Variants in GABRG3 observed in about 807,000 individuals in gnomAD.
GABRG3 encodes the protein gamma-aminobutyric acid receptor subunit gamma-3.
GABRG3 carries 25 observed loss-of-function variants against 48.8 expected under a neutral mutation model. That is an observed-to-expected ratio of 0.51 (90% confidence interval 0.37 to 0.72). The LOEUF is 0.72. Among genes scored for constraint, GABRG3 ranks in the 30% least tolerant of loss-of-function variants. GABRG3 has a pLI of 0.00. For synonymous variants in GABRG3, 227 were observed against 217.6 expected (o/e 1.04, Z -0.38); for missense variants, 394 against 577.9 (o/e 0.68, Z 3.26).
intron 7 of GABRG3, among the ~76,000 whole-genome samples, chr15:27,522,499 A>T (rs573334515): frequency 9.9e-5 from 15 of 151,958 alleles, no homozygotes; most frequent in Non-Finnish European, 1.9e-4. Context: ...ATATTGCAAG[A>T]TGGGACTTAT....
chr15:27,047,301 C>T (rs1896381945), intron 3 of GABRG3, among the ~76,000 whole-genome samples: 1 of 152,152 alleles, frequency 6.6e-6, no homozygotes, highest in Admixed American at 6.5e-5. Context: ...GGAAACATGT[C>T]ACCCTCGCAG....
intron 3 of GABRG3, among the ~76,000 whole-genome samples, chr15:27,130,449 T>G (rs1200110246): frequency 6.6e-6 from 1 of 152,088 alleles, no homozygotes; most frequent in Admixed American, 6.6e-5. Flanking sequence ...TACTGTAACT[T>G]TGTAGTAAGT....
At chr15:27,468,181 G>A (rs1178092420) in intron 5 of GABRG3, among the ~76,000 whole-genome samples, 1 of 152,208 alleles carries the variant, frequency 6.6e-6, no homozygotes, top group Non-Finnish European at 1.5e-5. Context: ...GGATGAGTCA[G>A]AATACAGTGA....
At chr15:27,518,681 G>A (rs1230922479) in intron 6 of GABRG3, among the ~76,000 whole-genome samples, 1 of 152,102 alleles carries the variant, frequency 6.6e-6, no homozygotes, top group Non-Finnish European at 1.5e-5. Flanking sequence ...AGAGGAGTGT[G>A]GGAAGGGTTT....
At chr15:27,393,863 G>C (rs1420934849) in intron 5 of GABRG3, among the ~76,000 whole-genome samples, 1 of 152,144 alleles carries the variant, frequency 6.6e-6, no homozygotes. Context: ...ATTACTGAAT[G>C]GGCTTACGAT....
chr15:27,076,891 T>C (rs1316465010), intron 3 of GABRG3, among the ~76,000 whole-genome samples: 1 of 152,200 alleles, frequency 6.6e-6, no homozygotes, highest in Non-Finnish European at 1.5e-5. Flanking sequence ...GAAAAACATT[T>C]TGTTGCTTTT....
intron 6 of GABRG3, among the ~76,000 whole-genome samples, chr15:27,515,088 TTTTG>T (rs968529845): frequency 1.4e-3 from 204 of 148,030 alleles, no homozygotes; most frequent in African/African-American, 5.2e-3. Flanking sequence ...TTCTTAATTT[TTTTG>T]TTTTTTTTGA....
chr15:27,254,853 ATAGT>A (rs779008801), intron 3 of GABRG3, among the ~76,000 whole-genome samples: 30 of 150,626 alleles, frequency 2.0e-4, no homozygotes, highest in Middle Eastern at 3.4e-3. Flanking sequence ...AGGGAGACAA[ATAGT>A]TAGAGCTTTA....
chr15:27,223,594 C>T (rs2140442309), intron 3 of GABRG3, among the ~76,000 whole-genome samples: 1 of 152,316 alleles, frequency 6.6e-6, no homozygotes, highest in African/African-American at 2.4e-5. Context: ...CACAATCTTA[C>T]TACTGTAACA....
intron 5 of GABRG3, among the ~76,000 whole-genome samples, chr15:27,394,525 A>AATTATATTTACCTATG (rs1566821905): frequency 2.3e-3 from 354 of 151,942 alleles, no homozygotes; most frequent in African/African-American, 8.2e-3. Flanking sequence ...ATTTACCTAT[A>AATTATATTTACCTATG]TAATTACATT....
intron 3 of GABRG3, among the ~76,000 whole-genome samples, chr15:27,285,231 T>C (rs1375511168): frequency 6.6e-6 from 1 of 151,160 alleles, no homozygotes; most frequent in East Asian, 2.0e-4. Flanking sequence ...GCATCTTCCC[T>C]AGATAAATTT....
chr15:27,166,587 C>T (rs1440629136), intron 3 of GABRG3, among the ~76,000 whole-genome samples: 5 of 152,060 alleles, frequency 3.3e-5, no homozygotes, highest in Non-Finnish European at 7.4e-5. Flanking sequence ...TGCCTTTCAG[C>T]TCCCATGACT....
chr15:27,263,936 AAAG>A lies in GABRG3; in HGVS notation c.271-62870_271-62868del, dbSNP rs1890842082. Among the ~76,000 whole-genome samples, 8 of 89,864 alleles carry A rather than the reference AAAG, an allele frequency of 8.9e-5. No individual in the cohort carries two copies. In the South Asian group the frequency reaches 2.3e-3, roughly 26 times the overall value. 59.0% of individuals were successfully genotyped at this position (89,864 alleles called of 152,430 possible). On this transcript the variant is annotated intron_variant, in intron 3 of 9. Transcript: ENST00000615808. Reference sequence around the variant, plus strand: ...GCGAGACTCTGTCAAAAAAAAAAAAAAAGAAAAAGAAAAAAAAGAAAAGTGCTG... The same window carrying A: ...GCGAGACTCTGTCAAAAAAAAAAAAAAAAAAGAAAAAAAAGAAAAGTGCTG...
At position 27,306,537 on chromosome 15, in the gene GABRG3, CATATAATATAAACAT is replaced by C. The variant is rs1431351333; in HGVS notation, c.271-20252_271-20238del. On this transcript the variant is annotated intron_variant, in intron 3 of 9. Coordinates refer to ENST00000615808, the MANE Select transcript of GABRG3 (RefSeq NM_033223.5). ...TAAACATATATAATATAAACATAAACATATAATATAAACATATATAATATAAACATATATGTTTAT... is the reference window on the plus strand; with the variant it reads ...TAAACATATATAATATAAACATAAACATATAATATAAACATATATGTTTAT... Among the ~76,000 whole-genome samples, 8 of 127,154 alleles carry C rather than the reference CATATAATATAAACAT, an allele frequency of 6.3e-5. No individual in the cohort carries two copies. In the South Asian group the frequency reaches 9.7e-4, roughly 15 times the overall value. The allele number at this position is 127,154 out of a possible 152,430, so 83.4% of individuals were successfully genotyped here.
In GABRG3 at chr15:27,159,647, C is replaced by T. The variant is rs146395810; in HGVS notation, c.270+132826C>T. On this transcript the variant is annotated intron_variant, in intron 3 of 9. Coordinates refer to ENST00000615808, the MANE Select transcript of GABRG3 (RefSeq NM_033223.5). Reference sequence around the variant, plus strand: ...ATTGATGCCTCCTGGAAACGCTAGACTTTCCCTGTCTTACACTCTACCCAT... The same window carrying T: ...ATTGATGCCTCCTGGAAACGCTAGATTTTCCCTGTCTTACACTCTACCCAT... 2.7e-4 allele frequency among the ~76,000 whole-genome samples: 41 copies of T among 152,250 alleles called. 1 individual carries two copies. Among genetic ancestry groups the T allele is most frequent in the African/African-American group, 9.6e-4 (40 of 41,556 alleles).
intron 3 of GABRG3, among the ~76,000 whole-genome samples, chr15:27,060,610 G>A (rs749889307): frequency 6.6e-6 from 1 of 152,212 alleles, no homozygotes. Flanking sequence ...GTGGCGTGGG[G>A]ATGATGCAGA....
intron 2 of GABRG3, among the ~76,000 whole-genome samples, chr15:27,013,062 A>T (rs568131852): frequency 6.6e-6 from 1 of 152,264 alleles, no homozygotes; most frequent in East Asian, 1.9e-4. Context: ...TGAAAAATAA[A>T]ATATTTTGTA....
chr15:27,335,431 C>T (rs1447247853), intron 5 of GABRG3, among the ~76,000 whole-genome samples: 1 of 152,190 alleles, frequency 6.6e-6, no homozygotes, highest in African/African-American at 2.4e-5. Flanking sequence ...TGATAACAGC[C>T]ATCCTAGTGG....
intron 3 of GABRG3, among the ~76,000 whole-genome samples, chr15:27,250,116 G>A (rs572496964): frequency 6.6e-5 from 10 of 152,086 alleles, no homozygotes; most frequent in South Asian, 6.2e-4. Flanking sequence ...GTGCTCTGTC[G>A]CCTCTGCTGG....
Sources: gnomAD v4.1 joint callset for allele counts (sites outside exome capture counted in the v4.1 genomes callset) on GRCh38, gnomAD v4.1.1 for gene constraint, MANE v1.5 for transcripts, NCBI Gene and HGNC (gene_info 2026-07-23, HGNC 2026-07-21) for gene names.